The following PCDH15 variants were observed in gnomAD, a reference collection of about 807,000 sequenced individuals.
PCDH15 encodes protocadherin related 15.
A neutral mutation model predicts 178.5 loss-of-function variants in PCDH15; 129 were observed. The ratio of observed to expected loss-of-function variants is 0.72; its 90% confidence interval spans 0.63 to 0.84. PCDH15 has a LOEUF of 0.84. Among genes scored for constraint, PCDH15 ranks in the 40% least tolerant of loss-of-function variants. PCDH15 has a pLI of 0.00. For synonymous variants in PCDH15, 800 were observed against 732.0 expected, an observed-to-expected ratio of 1.09 and a Z score of -1.50; for missense variants, 2,230 against 2,099.9, an observed-to-expected ratio of 1.06 and a Z score of -1.21.
intron 2 of PCDH15, among the ~76,000 whole-genome samples, chr10:55,044,235 T>C (rs912687049): frequency 6.6e-6 from 1 of 152,142 alleles, no homozygotes; most frequent in Non-Finnish European, 1.5e-5. Context: ...TACTGCACCA[T>C]AGTCTTTCAG....
chr10:54,015,893 A>G (rs2092725228), intron 20 of PCDH15, among the ~76,000 whole-genome samples: 1 of 151,830 alleles, frequency 6.6e-6, no homozygotes, highest in South Asian at 2.1e-4. Flanking sequence ...GCAAAAATTG[A>G]CAAGTGTGAC....
At chr10:54,393,855 C>T (rs750578321) in intron 3 of PCDH15, among the ~76,000 whole-genome samples, 7 of 152,034 alleles carry the variant, frequency 4.6e-5, no homozygotes, top group Non-Finnish European at 8.8e-5. Flanking sequence ...GCTAATAATG[C>T]ACATGTCATT....
intron 2 of PCDH15, among the ~76,000 whole-genome samples, chr10:55,106,597 A>G (rs377119360): frequency 1.3e-5 from 2 of 152,016 alleles, no homozygotes; most frequent in African/African-American, 4.8e-5. Context: ...TATACTTCTA[A>G]TAGAGACGGG....
At chr10:54,970,820 T>C (rs1443565203) in intron 2 of PCDH15, among the ~76,000 whole-genome samples, 1 of 152,144 alleles carries the variant, frequency 6.6e-6, no homozygotes, top group Non-Finnish European at 1.5e-5. Context: ...AGATTTAAAG[T>C]TGTTTTCCTT....
intron 4 of PCDH15, among the ~76,000 whole-genome samples, chr10:54,377,061 A>G (rs1395583021): frequency 6.6e-6 from 1 of 152,036 alleles, no homozygotes; most frequent in African/African-American, 2.4e-5. Context: ...ATAATTTTAC[A>G]TGTATTATAA....
At chr10:55,096,021 T>C (rs567612187) in intron 2 of PCDH15, among the ~76,000 whole-genome samples, 1 of 152,222 alleles carries the variant, frequency 6.6e-6, no homozygotes, top group South Asian at 2.1e-4. Context: ...AATCAATGTG[T>C]GTTGGGCCTT....
At chr10:54,836,118 A>G (rs74136302) in intron 3 of PCDH15, among the ~76,000 whole-genome samples, 2,057 of 152,294 alleles carry the variant, frequency 0.014, 45 homozygotes, top group African/African-American at 0.047. Flanking sequence ...AAGTTAAAAA[A>G]CATTTGAGAT....
intron 15 of PCDH15, among the ~76,000 whole-genome samples, chr10:54,118,722 A>T (rs1366372804): frequency 6.6e-6 from 1 of 151,918 alleles, no homozygotes; most frequent in African/African-American, 2.4e-5. Flanking sequence ...TTAAATACTT[A>T]AACTAAAAAC....
In PCDH15 at chr10:54,863,473, C is replaced by A. The variant is rs532685452; in HGVS notation, c.-29+33977G>T. Among the ~76,000 whole-genome samples the A allele has an allele frequency of 8.5e-5, 13 of 152,228 alleles. No homozygotes were observed. In the East Asian group the frequency reaches 2.5e-3, roughly 30 times the overall value. ...AGGAGAATGGCGTGAACCCAGGAGG[C>A]GGAGCTTGCAGCGAGCCGAGATCGT... On this transcript the variant is annotated intron_variant, in intron 3 of 5. Coordinates refer to the PCDH15 transcript ENST00000458638.
chr10:54,892,055 C>T (rs1954471691), intron 3 of PCDH15, among the ~76,000 whole-genome samples: 1 of 152,072 alleles, frequency 6.6e-6, no homozygotes, highest in Admixed American at 6.6e-5. Context: ...ATACCTGACA[C>T]TTCTTGTTCC....
intron 2 of PCDH15, among the ~76,000 whole-genome samples, chr10:55,046,823 T>A (rs1272513591): frequency 6.6e-6 from 1 of 151,990 alleles, no homozygotes; most frequent in Non-Finnish European, 1.5e-5. Context: ...CATGGCCTCA[T>A]CACCTTCCTA....
chr10:54,153,297 G>T lies in PCDH15; in HGVS notation c.1591-4C>A. The T allele has an allele frequency of 6.2e-7, 1 of 1,613,548 alleles. No individual in the cohort carries two copies. The highest frequency in any genetic ancestry group is 2.2e-5 in the East Asian group (1 of 44,830). ...CGTCTGCGTCGACTGCAGTGAGCTG[G>T]AATTGAAAATCACAACATAAATCCT... is the stretch of plus-strand genomic sequence containing the variant. On this transcript the variant is annotated splice_polypyrimidine_tract_variant and splice_region_variant and intron_variant, in intron 13 of 37. Transcript: ENST00000644397.
At chr10:54,720,527 A>C (rs1941412064) in intron 1 of PCDH15, among the ~76,000 whole-genome samples, 1 of 151,734 alleles carries the variant, frequency 6.6e-6, no homozygotes, top group Non-Finnish European at 1.5e-5. Flanking sequence ...CCAAAAAAAA[A>C]TACCAGCTAA....
Position 55,457,105 on chromosome 10 carries a change from A to G in PCDH15, c.-156+170520T>C, listed in dbSNP as rs191038411. Among the ~76,000 whole-genome samples, 158 of 152,196 alleles carry G rather than the reference A, an allele frequency of 1.0e-3. 1 individual carries two copies. Among genetic ancestry groups the G allele is most frequent in the African/African-American group, 3.8e-3 (156 of 41,572 alleles). Reference sequence around the variant, plus strand: ...GTACGAAGTCCTAAAACGGCATATCACAAATTTCTGTTTCAAAAGGAAAGG... The same window carrying G: ...GTACGAAGTCCTAAAACGGCATATCGCAAATTTCTGTTTCAAAAGGAAAGG... On this transcript the variant is annotated intron_variant, in intron 2 of 5. Transcript: ENST00000613346.
At chr10:55,228,692 T>G (rs1841126645) in intron 1 of PCDH15, among the ~76,000 whole-genome samples, 5 of 151,966 alleles carry the variant, frequency 3.3e-5, no homozygotes, top group Admixed American at 3.3e-4. Flanking sequence ...AAATATACAT[T>G]TGACACATCA....
At chr10:55,147,384 A>C (rs1449899184) in intron 2 of PCDH15, among the ~76,000 whole-genome samples, 1 of 151,676 alleles carries the variant, frequency 6.6e-6, no homozygotes, top group Non-Finnish European at 1.5e-5. Flanking sequence ...GTAACATAAC[A>C]TATAATTCAT....
chr10:54,151,422 T>G (rs568386960), intron 14 of PCDH15, among the ~76,000 whole-genome samples: 1 of 152,086 alleles, frequency 6.6e-6, no homozygotes, highest in Admixed American at 6.6e-5. Context: ...GAACCTGTAG[T>G]CCCCACTACT....
chr10:55,185,676 G>A (rs1171756184), intron 1 of PCDH15, among the ~76,000 whole-genome samples: 1 of 151,534 alleles, frequency 6.6e-6, no homozygotes, highest in African/African-American at 2.4e-5. Flanking sequence ...TTTTTATTTG[G>A]ATACAGTGTT....
At chr10:55,018,440 T>C (rs1840238216) in intron 2 of PCDH15, among the ~76,000 whole-genome samples, 1 of 152,150 alleles carries the variant, frequency 6.6e-6, no homozygotes, top group African/African-American at 2.4e-5. Context: ...CATTTTGTAA[T>C]TAATTGTAAT....
Sources: allele counts gnomAD v4.1 joint callset (sites outside exome capture counted in the v4.1 genomes callset), GRCh38; gene constraint gnomAD v4.1.1; transcripts MANE v1.5; gene names NCBI Gene and HGNC (gene_info 2026-07-23, HGNC 2026-07-21).